The following FMO4 variants were observed in gnomAD, a reference collection of about 807,000 sequenced individuals.
The protein encoded by FMO4 is dimethylaniline monooxygenase [N-oxide-forming] 4.
Under a neutral mutation model 43.3 loss-of-function variants are expected in FMO4, and 38 were observed. The ratio of observed to expected loss-of-function variants is 0.88; its 90% CI spans 0.68 to 1.15. The LOEUF is 1.15. Ranked by LOEUF, FMO4 falls within the 50% of genes most tolerant of loss-of-function variation. FMO4 has a pLI of 0.00. For synonymous variants in FMO4, 224 were observed against 232.2 expected, an observed-to-expected ratio of 0.96 and a Z score of 0.32; for missense variants, 631 against 663.3, an observed-to-expected ratio of 0.95 and a Z score of 0.54.
chr1:171,329,983 A>G (rs927497186), intron 5 of FMO4, among the ~76,000 whole-genome samples: 3 of 152,154 alleles, frequency 2.0e-5, no homozygotes, highest in African/African-American at 7.2e-5. Context: ...GATGTTTCTT[A>G]TTATTTGTGA....
At chr1:171,331,978 C>T (rs1470188583) in intron 6 of FMO4, among the ~76,000 whole-genome samples, 196 bp downstream of exon 6, 2 of 151,870 alleles carry the variant, frequency 1.3e-5, no homozygotes, top group Admixed American at 6.6e-5. Flanking sequence ...CCATGCTTTA[C>T]AGAACTGAAC....
Position 171,332,071 on chromosome 1 carries a change from C to T in FMO4, c.627+289C>T, listed in dbSNP as rs570926879. Among the ~76,000 whole-genome samples the T allele has an allele frequency of 3.3e-5, 5 of 152,264 alleles. No individual in the cohort carries two copies. The East Asian group carries it at 5.8e-4, about 18-fold the overall frequency. The stretch of plus-strand genomic sequence containing the variant: ...AGGAGTGCTTCCTTCAGAAACAAGA[C>T]CATATAGGCAAATTGCTTCACCCAG... On this transcript the variant is annotated intron_variant, in intron 6 of 9. Transcript: ENST00000367749.
At chr1:171,326,556 G>C (rs1662677510) in intron 5 of FMO4, among the ~76,000 whole-genome samples, 1 of 152,202 alleles carries the variant, frequency 6.6e-6, no homozygotes, top group African/African-American at 2.4e-5. Context: ...AGGGAACAGG[G>C]AACAAGGAGT....
chr1:171,321,394 T>A (rs963033744), intron 3 of FMO4, among the ~76,000 whole-genome samples: 6 of 152,156 alleles, frequency 3.9e-5, no homozygotes, highest in Non-Finnish European at 7.4e-5. Context: ...AATTCACAAA[T>A]GCTCAAGTTC....
chr1:171,323,717 T>G (rs1383788716), intron 4 of FMO4, among the ~76,000 whole-genome samples: 1 of 152,094 alleles, frequency 6.6e-6, no homozygotes, highest in African/African-American at 2.4e-5. Flanking sequence ...TGCCAAACTC[T>G]CATTCAGGAT....
chr1:171,321,370 G>A (rs1336821326), intron 3 of FMO4, among the ~76,000 whole-genome samples: 1 of 152,090 alleles, frequency 6.6e-6, no homozygotes, highest in Non-Finnish European at 1.5e-5. Flanking sequence ...CTTTGGTTTT[G>A]CTGTGGATAC....
chr1:171,336,387 G>A (rs920119619), intron 8 of FMO4, among the ~76,000 whole-genome samples: 2 of 152,072 alleles, frequency 1.3e-5, no homozygotes, highest in Admixed American at 1.3e-4. Flanking sequence ...AATTATCAGG[G>A]TGCAAGCTGT....
chr1:171,336,550 C>G (rs1389394981), intron 8 of FMO4, among the ~76,000 whole-genome samples: 9 of 152,130 alleles, frequency 5.9e-5, no homozygotes, highest in Non-Finnish European at 2.9e-5. Context: ...CAGGCCCCTT[C>G]CACACATGAG....
Position 171,332,909 on chromosome 1 carries a change from G to A in FMO4, c.827+1G>A. 8.3e-7 allele frequency: 1 copy of A among 1,198,682 alleles called. No homozygotes were observed. 74.3% of individuals were successfully genotyped at this position (1,198,682 alleles called of 1,614,324 possible). On this transcript the variant is annotated splice_donor_variant, in intron 7 of 9. Coordinates refer to ENST00000367749, the MANE Select transcript of FMO4 (RefSeq NM_002022.3). LOFTEE classifies it high-confidence loss of function. ...ATTATGGATTAAGTATTACCAAAGG[G>A]TACTTACATTTTTTATTTAGTAGAA...
At chr1:171,332,669 G>A (rs1405050222) in intron 6 of FMO4, 40 bp from the exon 7 acceptor site, 2 of 1,528,758 alleles carry the variant, frequency 1.3e-6, no homozygotes, top group Admixed American at 1.7e-5. Flanking sequence ...ACAAAATGAT[G>A]AACATTTATT....
In FMO4 at chr1:171,332,696, C is replaced by A. The variant is rs1662951833; in HGVS notation, c.628-13C>A. 1 of 1,599,550 alleles carries A rather than the reference C, an allele frequency of 6.3e-7. No individual in the cohort carries two copies. The highest frequency in any genetic ancestry group is 8.6e-7 in the Non-Finnish European group (1 of 1,169,080). On this transcript the variant is annotated splice_polypyrimidine_tract_variant and intron_variant, in intron 6 of 9. Transcript: ENST00000367749. ...ACATTTATTTATCCTTCTTGCCTTA[C>A]TTTACTTTTTAGGTACTTCTCAGTA...
At chr1:171,317,094 C>T (rs1662227724) in intron 2 of FMO4, among the ~76,000 whole-genome samples, 1 of 152,204 alleles carries the variant, frequency 6.6e-6, no homozygotes, top group African/African-American at 2.4e-5. Flanking sequence ...AGCATGTTCA[C>T]ATCTTGGTTT....
chr1:171,315,325 A>G (rs926361818), intron 1 of FMO4, among the ~76,000 whole-genome samples: 2 of 152,142 alleles, frequency 1.3e-5, no homozygotes, highest in Non-Finnish European at 2.9e-5. Context: ...AGCACCTTTG[A>G]GCAACCAAGT....
At chr1:171,336,135 G>A (rs549240831) in intron 8 of FMO4, among the ~76,000 whole-genome samples, 73 of 152,004 alleles carry the variant, frequency 4.8e-4, no homozygotes, top group Admixed American at 1.5e-3. Flanking sequence ...GACCTATCTC[G>A]TGTGGAAAGT....
intron 3 of FMO4, 100 bp downstream of exon 3, chr1:171,320,057 G>C: frequency 3.9e-6 from 5 of 1,292,772 alleles, no homozygotes; most frequent in Non-Finnish European, 5.5e-6. Context: ...TAAGGGAGTG[G>C]CTTACTGCAA....
intron 8 of FMO4, among the ~76,000 whole-genome samples, chr1:171,337,085 G>A (rs567233646): frequency 2.7e-4 from 41 of 152,272 alleles, no homozygotes; most frequent in Non-Finnish European, 5.1e-4. Flanking sequence ...TGGCACAGGT[G>A]CAGGTGTCTG....
At chr1:171,336,858 T>C (rs1415022260) in intron 8 of FMO4, among the ~76,000 whole-genome samples, 1 of 151,966 alleles carries the variant, frequency 6.6e-6, no homozygotes, top group Non-Finnish European at 1.5e-5. Context: ...TACCTTGCCC[T>C]CCCAACGTGC....
chr1:171,315,217 AGG>A (rs1338559648), intron 1 of FMO4, among the ~76,000 whole-genome samples: 1 of 152,192 alleles, frequency 6.6e-6, no homozygotes, highest in Non-Finnish European at 1.5e-5. Flanking sequence ...ACTTGAACCC[AGG>A]AGGTGGAGGT....
At chr1:171,325,504 T>G (rs2284129) in intron 5 of FMO4, among the ~76,000 whole-genome samples, 4 of 151,960 alleles carry the variant, frequency 2.6e-5, no homozygotes, top group Admixed American at 1.3e-4. Flanking sequence ...AGGAAAATAC[T>G]TCTTATAAAT....
Sources: gnomAD v4.1 joint callset for allele counts (sites outside exome capture counted in the v4.1 genomes callset) on GRCh38, gnomAD v4.1.1 for gene constraint, MANE v1.5 for transcripts, NCBI Gene and HGNC (gene_info 2026-07-23, HGNC 2026-07-21) for gene names.